SPECC1: variants seen among roughly 807,000 people sequenced by gnomAD.
SPECC1 encodes sperm antigen with calponin homology and coiled-coil domains 1, also known as cytospin-B.
SPECC1 carries 62 observed loss-of-function variants against 104.1 expected under a neutral mutation model. The ratio of observed to expected loss-of-function variants is 0.60; its 90% confidence interval spans 0.49 to 0.74. The LOEUF (loss-of-function observed/expected upper bound fraction) is 0.74, where lower values mean the gene tolerates loss of function less well. Ranked by LOEUF, SPECC1 falls within the 30% of genes least tolerant of loss-of-function variation. The pLI, the probability that SPECC1 is intolerant of heterozygous loss-of-function variation, is 0.00. For missense variants in SPECC1, 1,306 were observed against 1,310.5 expected, an observed-to-expected ratio of 1.00 and a Z score of 0.05; for synonymous variants, 513 against 501.6, an observed-to-expected ratio of 1.02 and a Z score of -0.30.
At chr17:20,261,126 T>C (rs1286061897) in intron 12 of SPECC1, among the ~76,000 whole-genome samples, 1 of 152,058 alleles carries the variant, frequency 6.6e-6, no homozygotes, top group Non-Finnish European at 1.5e-5. Flanking sequence ...AGTGAAGTAG[T>C]GGTGTGGGTT....
intron 3 of SPECC1, among the ~76,000 whole-genome samples, chr17:20,191,487 C>CTT (rs57417459): frequency 1.6e-5 from 2 of 128,392 alleles, no homozygotes; most frequent in Non-Finnish European, 3.3e-5. Flanking sequence ...TGTGGAGCAG[C>CTT]TTTTTTTTTT....
In SPECC1 at chr17:20,257,534, C is replaced by T. The variant is rs1342655029; in HGVS notation, c.2764C>T (p.Pro922Ser). Residue 922 changes from proline to serine, a missense_variant, in exon 11 of 15, where the codon CCG becomes TCG. Transcript: ENST00000395527. ...SPSLESLSRPPSLGFGDTRLL... is the reference protein window; with the variant it reads ...SPSLESLSRPSSLGFGDTRLL... ...CTCACTAGAGTCACTGAGCAGACCC[C>T]CGTCTCTGGGCTTTGGGGACACAAG... 1.9e-6 allele frequency: 3 copies of T among 1,613,694 alleles called. No homozygotes were observed. In the South Asian group the frequency reaches 3.3e-5, roughly 18 times the overall value.
intron 8 of SPECC1, 55 bp downstream of exon 8, chr17:20,246,126 A>AT (rs2039412023): frequency 6.3e-7 from 1 of 1,597,562 alleles, no homozygotes; most frequent in East Asian, 2.2e-5. Context: ...TTGGCCCGAC[A>AT]TTTGATATGT....
chr17:20,288,703 T>C (rs898646193), intron 12 of SPECC1, among the ~76,000 whole-genome samples: 1 of 151,568 alleles, frequency 6.6e-6, no homozygotes, highest in African/African-American at 2.4e-5. Context: ...AAAAAGAGGA[T>C]TAATTGGACT....
chr17:20,298,068 G>T (rs2041414685), intron 13 of SPECC1, among the ~76,000 whole-genome samples: 1 of 152,182 alleles, frequency 6.6e-6, no homozygotes, highest in Non-Finnish European at 1.5e-5. Context: ...AACTGGTGTT[G>T]GGGCTGGGCA....
intron 12 of SPECC1, among the ~76,000 whole-genome samples, chr17:20,263,403 A>C (rs2040102011): frequency 6.7e-6 from 1 of 150,344 alleles, no homozygotes; most frequent in South Asian, 2.1e-4. Flanking sequence ...TAGCATTAGG[A>C]GATATACCTA....
chr17:20,177,638 T>C (rs997378636), intron 3 of SPECC1, among the ~76,000 whole-genome samples: 2 of 152,262 alleles, frequency 1.3e-5, no homozygotes, highest in Admixed American at 1.3e-4. Flanking sequence ...ATCTCCATAA[T>C]ATCCTATTGT....
intron 3 of SPECC1, among the ~76,000 whole-genome samples, chr17:20,149,488 T>C (rs946776406): frequency 1.3e-5 from 2 of 152,218 alleles, no homozygotes; most frequent in Non-Finnish European, 2.9e-5. Context: ...GCTAAGTCTC[T>C]AGTGAATTTC....
intron 3 of SPECC1, among the ~76,000 whole-genome samples, chr17:20,153,286 C>A (rs2032179878): frequency 6.6e-6 from 1 of 152,104 alleles, no homozygotes; most frequent in African/African-American, 2.4e-5. Flanking sequence ...GGAGGGAGAA[C>A]TTCTGAAAGC....
chr17:20,102,440 C>G (rs1402463147), intron 2 of SPECC1, among the ~76,000 whole-genome samples: 1 of 152,184 alleles, frequency 6.6e-6, no homozygotes, highest in African/African-American at 2.4e-5. Flanking sequence ...GGTGGCACAG[C>G]ACTGGCCTGC....
At position 20,315,929 on chromosome 17, in the gene SPECC1, A is replaced by T. The variant is rs376374186; in HGVS notation, c.*1864A>T. On this transcript the variant is annotated 3_prime_UTR_variant, in exon 15 of 15. Coordinates refer to ENST00000395527, the MANE Select transcript of SPECC1 (RefSeq NM_001243439.2). Reference sequence around the variant, plus strand: ...ATGTCTGGAATGGGACCAGAGATGCAGTTCACATGTTTTGTAAGTTCTTTA... The same window carrying T: ...ATGTCTGGAATGGGACCAGAGATGCTGTTCACATGTTTTGTAAGTTCTTTA... 4.3e-6 allele frequency: 1 copy of T among 232,488 alleles called. No individual in the cohort carries two copies. The highest frequency in any genetic ancestry group is 1.8e-4 in the South Asian group (1 of 5,532). The allele number at this position is 232,488 out of a possible 1,614,324, so 14.4% of individuals were successfully genotyped here. A position where few individuals can be genotyped will look rare whatever the true frequency, so the allele number is the denominator to read the frequency against.
chr17:20,226,278 G>A (rs1044213300), intron 4 of SPECC1, among the ~76,000 whole-genome samples: 2 of 150,276 alleles, frequency 1.3e-5, no homozygotes, highest in Admixed American at 6.6e-5. Context: ...ATGTGTATCA[G>A]TGTGGATACA....
chr17:20,046,347 C>T (rs920172914), intron 1 of SPECC1, among the ~76,000 whole-genome samples: 2 of 151,842 alleles, frequency 1.3e-5, no homozygotes, highest in Non-Finnish European at 2.9e-5. Context: ...CATAGTTAAC[C>T]CAGACCATGA....
chr17:20,011,585 C>T (rs948707295), intron 1 of SPECC1, among the ~76,000 whole-genome samples: 1 of 151,566 alleles, frequency 6.6e-6, no homozygotes, highest in African/African-American at 2.4e-5. Flanking sequence ...TTTTATTAAC[C>T]AGGATTTATT....
intron 9 of SPECC1, among the ~76,000 whole-genome samples, chr17:20,249,437 C>A (rs1271204336): frequency 6.6e-6 from 1 of 151,828 alleles, no homozygotes; most frequent in East Asian, 1.9e-4. Flanking sequence ...TAAAATAAAA[C>A]AAAAAACCAG....
intron 7 of SPECC1, chr17:20,237,068 T>C (rs2038959513): frequency 6.9e-7 from 1 of 1,455,120 alleles, no homozygotes; most frequent in Non-Finnish European, 9.0e-7. Flanking sequence ...GTCCACATTT[T>C]GGGATCAGCT....
intron 11 of SPECC1, among the ~76,000 whole-genome samples, chr17:20,258,805 T>G (rs2151589301): frequency 6.6e-6 from 1 of 152,370 alleles, no homozygotes; most frequent in Admixed American, 6.5e-5. Context: ...CCTGGCACAT[T>G]GACATATCCC....
intron 4 of SPECC1, among the ~76,000 whole-genome samples, chr17:20,210,628 G>C (rs1000301742): frequency 2.0e-5 from 3 of 152,222 alleles, no homozygotes; most frequent in Non-Finnish European, 4.4e-5. Context: ...GATTCTGTTA[G>C]GAAGAAACAA....
Position 20,205,650 on chromosome 17 carries a change from C to G in SPECC1, c.1601C>G (p.Ala534Gly), listed in dbSNP as rs781356902. The change falls in exon 4 of 15, where the codon GCC becomes GGC. Residue 534 changes from alanine (A) to glycine (G), a missense_variant. Around this residue, in one of 2 missense-constraint regions of SPECC1, gnomAD observed 1,177 missense variants for 1,139.9 expected, o/e 1.03. Coordinates refer to ENST00000395527, the MANE Select transcript of SPECC1 (RefSeq NM_001243439.2). ...GAACGGCATAATAATAACATGATGG[C>G]CAAAACTTTGGAAGAGTGTAGAGTT... ...ELERHNNNMM[A>G]KTLEECRVTL... 1.2e-6 allele frequency: 2 copies of G among 1,613,956 alleles called. No individual in the cohort carries two copies. The highest frequency in any genetic ancestry group is 3.3e-5 in the Admixed American group (2 of 59,994).
Sources: allele counts gnomAD v4.1 joint callset (sites outside exome capture counted in the v4.1 genomes callset), GRCh38; gene constraint gnomAD v4.1.1; regional missense constraint gnomAD v4.1.1; transcripts MANE v1.5; gene names NCBI Gene and HGNC (gene_info 2026-07-23, HGNC 2026-07-21).